CUX2: variants seen among roughly 807,000 people sequenced by gnomAD.
CUX2 encodes the protein cut like homeobox 2, also known as homeobox protein cut-like 2.
In CUX2, 40 loss-of-function variants were observed where a neutral mutation model predicts 144.8. The observed-to-expected ratio is 0.28, with a 90% confidence interval of 0.21 to 0.36. CUX2 has a LOEUF of 0.36. Ranked by LOEUF, CUX2 falls within the 10% of genes least tolerant of loss-of-function variation. The pLI, the probability that CUX2 is intolerant of heterozygous loss-of-function variation, is 1.00. For synonymous variants in CUX2, 827 were observed against 875.6 expected (o/e 0.94, Z 0.98); for missense variants, 1,615 against 1,994.0 (o/e 0.81, Z 3.62).
intron 1 of CUX2, among the ~76,000 whole-genome samples, chr12:111,213,555 A>G (rs936069411): frequency 1.3e-5 from 2 of 152,202 alleles, no homozygotes; most frequent in South Asian, 2.1e-4. Context: ...GGAGTCTTCA[A>G]TGAAATATTT....
At chr12:111,313,923 C>T (rs1887040280) in intron 16 of CUX2, among the ~76,000 whole-genome samples, 1 of 152,188 alleles carries the variant, frequency 6.6e-6, no homozygotes, top group Non-Finnish European at 1.5e-5. Flanking sequence ...TCAAAGCCCT[C>T]TTCCATTTTT....
intron 1 of CUX2, among the ~76,000 whole-genome samples, chr12:111,117,842 A>G (rs990368120): frequency 6.6e-6 from 1 of 152,220 alleles, no homozygotes; most frequent in African/African-American, 2.4e-5. Flanking sequence ...ACTTGGCTCC[A>G]GGTATTTGAA....
At chr12:111,058,924 A>G (rs1348745648) in intron 1 of CUX2, among the ~76,000 whole-genome samples, 3 of 152,212 alleles carry the variant, frequency 2.0e-5, no homozygotes, top group Non-Finnish European at 4.4e-5. Flanking sequence ...GGTTTGTGAT[A>G]AAGGATTAAT....
chr12:111,319,255 C>T (rs1887377875), intron 16 of CUX2, among the ~76,000 whole-genome samples: 1 of 151,794 alleles, frequency 6.6e-6, no homozygotes, highest in Non-Finnish European at 1.5e-5. Context: ...TTGAAACCAG[C>T]CTGGGCAACA....
intron 1 of CUX2, among the ~76,000 whole-genome samples, chr12:111,198,605 T>C (rs926385971): frequency 6.6e-6 from 1 of 152,212 alleles, no homozygotes; most frequent in Non-Finnish European, 1.5e-5. Flanking sequence ...GAGGCTGATA[T>C]TAAATATGCA....
chr12:111,296,556 G>C lies in CUX2; in HGVS notation c.704+17G>C. ...AGCATCCAAGTAAGTGAGCCCTGCT[G>C]AGGTGTACCTCCTCCCTTGGAGGCC... is the stretch of plus-strand genomic sequence containing the variant. On this transcript the variant is annotated intron_variant, in intron 8 of 21. Transcript: ENST00000261726. 6.2e-7 allele frequency: 1 copy of C among 1,605,970 alleles called. No homozygotes were observed. Among genetic ancestry groups the C allele is most frequent in the Non-Finnish European group, 8.5e-7 (1 of 1,175,674 alleles).
intron 4 of CUX2, among the ~76,000 whole-genome samples, chr12:111,278,616 A>G (rs1884986878): frequency 6.6e-6 from 1 of 152,156 alleles, no homozygotes; most frequent in Non-Finnish European, 1.5e-5. Context: ...AGCACCTACT[A>G]TGTGAAGAGC....
chr12:111,258,242 G>T (rs1254831403), intron 3 of CUX2, among the ~76,000 whole-genome samples: 2 of 152,218 alleles, frequency 1.3e-5, no homozygotes, highest in Non-Finnish European at 2.9e-5. Flanking sequence ...AAGGACCGCG[G>T]TGGCTCACGC....
intron 1 of CUX2, among the ~76,000 whole-genome samples, chr12:111,111,259 A>G (rs895338583): frequency 3.3e-5 from 5 of 152,050 alleles, no homozygotes; most frequent in Non-Finnish European, 5.9e-5. Flanking sequence ...CCGAGATTGC[A>G]TCACTGCACT....
intron 3 of CUX2, among the ~76,000 whole-genome samples, chr12:111,261,622 C>T (rs1353122005): frequency 5.3e-5 from 8 of 152,172 alleles, no homozygotes; most frequent in Admixed American, 2.0e-4. Context: ...CCCACAGGGC[C>T]AGGCGCAGTG....
intron 1 of CUX2, among the ~76,000 whole-genome samples, chr12:111,101,674 G>A (rs139698221): frequency 6.6e-6 from 1 of 152,270 alleles, no homozygotes; most frequent in East Asian, 1.9e-4. Flanking sequence ...TGTGGCCTTG[G>A]GCATGTTGCT....
chr12:111,224,870 A>G (rs2136236909), intron 3 of CUX2, among the ~76,000 whole-genome samples: 1 of 152,274 alleles, frequency 6.6e-6, no homozygotes, highest in South Asian at 2.1e-4. Context: ...GGCAAGGCAC[A>G]TAACCTCTCT....
At chr12:111,115,279 CTTTTTTTTTTTTTTTT>C in intron 1 of CUX2, among the ~76,000 whole-genome samples, 1 of 88,762 alleles carries the variant, frequency 1.1e-5, no homozygotes, top group South Asian at 4.3e-4. Flanking sequence ...AATAAAATTT[CTTTTTTTTTTTTTTTT>C]TTTTTTTTGA....
chr12:111,034,739 G>C lies in CUX2; in HGVS notation c.63+499G>C, dbSNP rs1253429175. 6.6e-6 allele frequency among the ~76,000 whole-genome samples: 1 copy of C among 151,050 alleles called. No individual in the cohort carries two copies. The highest frequency in any genetic ancestry group is 1.5e-5 in the Non-Finnish European group (1 of 67,432). On this transcript the variant is annotated intron_variant, in intron 1 of 21. Coordinates refer to ENST00000261726, the MANE Select transcript of CUX2 (RefSeq NM_015267.4). This position sits in a 1 kb window ranked among gnomAD's most constrained non-coding sequence, Gnocchi z 4.2. ...GAGGAGGAGGAGGAGAGGAGGAGGA[G>C]GAGGAGAGAGGAGGAGGGAGCCGGG...
chr12:111,225,156 T>A (rs1882068511), intron 3 of CUX2, among the ~76,000 whole-genome samples: 2 of 152,182 alleles, frequency 1.3e-5, no homozygotes. Context: ...TAGTACCCAC[T>A]TCATAGGAGT....
chr12:111,347,379 C>A, intron 21 of CUX2, 145 bp from the exon 22 acceptor site: 1 of 714,832 alleles, frequency 1.4e-6, no homozygotes, highest in Non-Finnish European at 2.3e-6. Flanking sequence ...GTTGAGAAGA[C>A]TTAATAAGAT....
intron 4 of CUX2, among the ~76,000 whole-genome samples, chr12:111,270,841 A>G (rs1243058948): frequency 6.6e-6 from 1 of 152,096 alleles, no homozygotes; most frequent in African/African-American, 2.4e-5. Context: ...CTGATCAGGA[A>G]GGTGCTCAGT....
At chr12:111,235,951 A>C (rs1042404809) in intron 3 of CUX2, among the ~76,000 whole-genome samples, 1 of 152,038 alleles carries the variant, frequency 6.6e-6, no homozygotes, top group African/African-American at 2.4e-5. Context: ...TGGATACCCA[A>C]CCTGTGAGAT....
intron 1 of CUX2, among the ~76,000 whole-genome samples, chr12:111,153,451 G>T (rs1476804997): frequency 6.6e-6 from 1 of 152,146 alleles, no homozygotes; most frequent in African/African-American, 2.4e-5. Flanking sequence ...TACACACCTG[G>T]ACTGTTGCTC....
Sources: gnomAD v4.1 joint callset for allele counts (sites outside exome capture counted in the v4.1 genomes callset) on GRCh38, gnomAD v4.1.1 for gene constraint, Gnocchi (gnomAD v3.1) non-coding constraint, MANE v1.5 for transcripts, NCBI Gene and HGNC (gene_info 2026-07-23, HGNC 2026-07-21) for gene names.